The following DENND2C variants were observed in gnomAD, a reference collection of about 807,000 sequenced individuals.
DENND2C encodes the protein DENN domain-containing protein 2C.
In DENND2C, 72 loss-of-function variants were observed where a neutral mutation model predicts 112.4. The ratio of observed to expected loss-of-function variants is 0.64; its 90% CI spans 0.53 to 0.78. The LOEUF (loss-of-function observed/expected upper bound fraction) is 0.78. DENND2C is among the 30% of genes least tolerant of loss of function. The pLI, the probability that DENND2C is intolerant of heterozygous loss-of-function variation, is 0.00. For missense variants in DENND2C, 992 were observed against 1,113.8 expected (o/e 0.89, Z 1.56); for synonymous variants, 329 against 381.6 (o/e 0.86, Z 1.61).
chr1:114,645,744 T>C (rs1017308043), intron 2 of DENND2C, among the ~76,000 whole-genome samples, 185 bp from the exon 3 acceptor site: 2 of 152,224 alleles, frequency 1.3e-5, no homozygotes, highest in African/African-American at 4.8e-5. Context: ...GTTTATCATC[T>C]GTACTTTCAA....
intron 14 of DENND2C, 47 bp downstream of exon 14, chr1:114,600,773 T>C: frequency 1.3e-6 from 2 of 1,590,248 alleles, no homozygotes; most frequent in Non-Finnish European, 1.7e-6. Context: ...CTAGTGTAAG[T>C]CCTGCTTTTT....
chr1:114,636,408 G>C (rs1001784799), intron 3 of DENND2C, among the ~76,000 whole-genome samples: 66 of 152,214 alleles, frequency 4.3e-4, no homozygotes, highest in African/African-American at 1.4e-3. Context: ...GCTCATGCCT[G>C]TAATCCTAAC....
chr1:114,596,454 A>G (rs554782967), intron 16 of DENND2C, among the ~76,000 whole-genome samples: 1 of 152,374 alleles, frequency 6.6e-6, no homozygotes, highest in South Asian at 2.1e-4. Flanking sequence ...TTATGAGACA[A>G]CTAGAGATTT....
In DENND2C at chr1:114,612,701, G is replaced by T. The variant is rs1028238873; in HGVS notation, c.1325-1584C>A. On this transcript the variant is annotated intron_variant, in intron 8 of 20. Transcript: ENST00000393274. ...CACTGGGCTAATTTTTATATTTTTA[G>T]TAGAGACAGGGTTTCACCGTGTTGG... 6.6e-5 allele frequency among the ~76,000 whole-genome samples: 10 copies of T among 152,190 alleles called. No homozygotes were observed. The South Asian group carries it at 2.1e-3, about 32-fold the overall frequency.
rs1557948145 is a variant in DENND2C at position 114,621,975 on chromosome 1, T to C, written c.1147A>G (p.Thr383Ala). The C allele has an allele frequency of 6.4e-7, 1 of 1,550,696 alleles. No homozygotes were observed. The highest frequency in any genetic ancestry group is 8.7e-7 in the Non-Finnish European group (1 of 1,147,038). The part of the protein sequence containing the change: ...YLRSKLTKDT[T>A]LPVTLTEWKL... Reference sequence around the variant, plus strand: ...CATTCCGTTAAAGTGACCGGCAAAGTTGTATCTTTTGTAAGCTTTGACCGC... The same window carrying C: ...CATTCCGTTAAAGTGACCGGCAAAGCTGTATCTTTTGTAAGCTTTGACCGC... Residue 383 changes from threonine to alanine, a missense_variant, in exon 7 of 21, where the codon ACT becomes GCT. Thr to Ala is a moderately conservative substitution (Grantham distance 58, BLOSUM62 0). Transcript: ENST00000393274.
chr1:114,624,468 CT>C (rs59282823), intron 4 of DENND2C, among the ~76,000 whole-genome samples: 2 of 149,070 alleles, frequency 1.3e-5, no homozygotes, highest in Admixed American at 6.7e-5. Flanking sequence ...TTTCTTTTTT[CT>C]TTTTTTTTAT....
chr1:114,598,391 A>G (rs1270762940), intron 16 of DENND2C, among the ~76,000 whole-genome samples: 2 of 152,198 alleles, frequency 1.3e-5, no homozygotes, highest in African/African-American at 4.8e-5. Flanking sequence ...ATATGAATCT[A>G]TTTATATCAA....
rs142907632 is a variant in DENND2C, at chr1:114,627,426, C to T, written c.-204-1238G>A. ...GCCCAGCTCTGTCAGTATAGCTGAC[C>T]AAAACTGTTATATACAGAAAGCACA... is the stretch of plus-strand genomic sequence containing the variant. On this transcript the variant is annotated intron_variant, in intron 3 of 20. Coordinates refer to ENST00000393274, the MANE Select transcript of DENND2C (RefSeq NM_001256404.2). Among the ~76,000 whole-genome samples the T allele has an allele frequency of 1.1e-3, 169 of 152,156 alleles. 1 individual carries two copies. The highest frequency in any genetic ancestry group is 3.8e-3 in the African/African-American group (159 of 41,516).
chr1:114,665,974 A>T (rs1339305660), intron 1 of DENND2C, among the ~76,000 whole-genome samples: 1 of 152,178 alleles, frequency 6.6e-6, no homozygotes, highest in Non-Finnish European at 1.5e-5. Flanking sequence ...CGACATCTCC[A>T]CTTGAATGCT....
intron 3 of DENND2C, among the ~76,000 whole-genome samples, chr1:114,641,934 T>G (rs1458849076): frequency 6.6e-6 from 1 of 152,094 alleles, no homozygotes; most frequent in African/African-American, 2.4e-5. Context: ...ATATATCATA[T>G]ATATACACAC....
chr1:114,626,098 C>T lies in DENND2C; in HGVS notation c.-114G>A. ...AATCCAAATGATTCCAGTATTTTCC[C>T]TTCATGTTTAACTTGTAAATCTCTT... On this transcript the variant is annotated 5_prime_UTR_variant, in exon 4 of 21. Coordinates refer to ENST00000393274, the MANE Select transcript of DENND2C (RefSeq NM_001256404.2). The T allele has an allele frequency of 8.8e-7, 1 of 1,137,650 alleles. No homozygotes were observed. The allele number at this position is 1,137,650 out of a possible 1,614,324, so 70.5% of individuals were successfully genotyped here. A position where few individuals can be genotyped will look rare whatever the true frequency, so the allele number is the denominator to read the frequency against.
intron 16 of DENND2C, among the ~76,000 whole-genome samples, chr1:114,598,513 C>T (rs80241050): frequency 0.011 from 1,662 of 151,678 alleles, 23 homozygotes; most frequent in Middle Eastern, 0.054. Flanking sequence ...TAATGAGTAC[C>T]TTTGGTGGGG....
intron 3 of DENND2C, among the ~76,000 whole-genome samples, chr1:114,627,582 C>CAAAAA (rs5777200): frequency 6.9e-6 from 1 of 144,112 alleles, no homozygotes; most frequent in Non-Finnish European, 1.5e-5. Flanking sequence ...TAGTCTGACG[C>CAAAAA]AAAAAAAAAA....
At chr1:114,642,871 A>G (rs1344999047) in intron 3 of DENND2C, among the ~76,000 whole-genome samples, 1 of 152,252 alleles carries the variant, frequency 6.6e-6, no homozygotes, top group Non-Finnish European at 1.5e-5. Context: ...TTCTCTCTGA[A>G]TACACCATGT....
chr1:114,649,557 A>T (rs1298729241), intron 2 of DENND2C, among the ~76,000 whole-genome samples: 2 of 151,874 alleles, frequency 1.3e-5, no homozygotes, highest in African/African-American at 4.8e-5. Flanking sequence ...ATTTTTTTTT[A>T]AATAGAGACA....
chr1:114,602,100 T>C (rs373078597), intron 12 of DENND2C, 25 bp downstream of exon 12: 9 of 1,612,524 alleles, frequency 5.6e-6, no homozygotes, highest in Non-Finnish European at 7.6e-6. Context: ...ACCAACCCTG[T>C]CTGTAACACA....
At chr1:114,628,614 CA>C (rs1656409277) in intron 3 of DENND2C, among the ~76,000 whole-genome samples, 2 of 152,224 alleles carry the variant, frequency 1.3e-5, no homozygotes, top group Non-Finnish European at 2.9e-5. Context: ...GAGCTGATTT[CA>C]CAGTCCCAAT....
chr1:114,650,897 G>C (rs1657140663), intron 2 of DENND2C, among the ~76,000 whole-genome samples: 1 of 152,044 alleles, frequency 6.6e-6, no homozygotes. Context: ...TAAAACTGCA[G>C]TAACATGGAC....
At chr1:114,655,904 T>TAATAG (rs1657303337) in intron 1 of DENND2C, among the ~76,000 whole-genome samples, 2 of 83,560 alleles carry the variant, frequency 2.4e-5, no homozygotes, top group South Asian at 9.7e-4. Context: ...ATATATAATA[T>TAATAG]GTATGTCAGT....
Sources: allele counts gnomAD v4.1 joint callset (sites outside exome capture counted in the v4.1 genomes callset), GRCh38; gene constraint gnomAD v4.1.1; transcripts MANE v1.5; gene names NCBI Gene and HGNC (gene_info 2026-07-23, HGNC 2026-07-21).